SOS1: variants seen among roughly 807,000 people sequenced by gnomAD.
The protein encoded by SOS1 is SOS Ras/Rac guanine nucleotide exchange factor 1.
In SOS1, 25 loss-of-function variants were observed where a neutral mutation model predicts 157.6. That is an observed-to-expected ratio of 0.16 (90% CI 0.12 to 0.22). The LOEUF is 0.22. Ranked by LOEUF, SOS1 falls within the 10% of genes least tolerant of loss-of-function variation. The pLI, the probability that SOS1 is intolerant of heterozygous loss-of-function variation, is 1.00. For synonymous variants in SOS1, 528 were observed against 534.0 expected (o/e 0.99, Z 0.16); for missense variants, 1,237 against 1,599.1 (o/e 0.77, Z 3.86).
chr2:39,116,158 C>G (rs1025289776), intron 1 of SOS1, among the ~76,000 whole-genome samples: 4 of 140,160 alleles, frequency 2.9e-5, no homozygotes, highest in African/African-American at 1.1e-4. Flanking sequence ...AACCAATAGC[C>G]AGTTGGAGAA....
chr2:39,054,887 A>G, intron 4 of SOS1, 64 bp from the exon 5 acceptor site: 2 of 891,148 alleles, frequency 2.2e-6, no homozygotes, highest in Non-Finnish European at 3.7e-6. Context: ...TTTGATGTGA[A>G]ATGCTCTAAG....
chr2:39,058,016 T>C (rs1407960930), intron 3 of SOS1, among the ~76,000 whole-genome samples: 1 of 152,112 alleles, frequency 6.6e-6, no homozygotes, highest in Non-Finnish European at 1.5e-5. Flanking sequence ...TCAGACAATG[T>C]ATACAAGTAT....
At chr2:39,089,021 G>T (rs1425636005) in intron 1 of SOS1, among the ~76,000 whole-genome samples, 1 of 152,062 alleles carries the variant, frequency 6.6e-6, no homozygotes, top group Non-Finnish European at 1.5e-5. Flanking sequence ...ACCCTAATTG[G>T]TATGAAGTGG....
intron 1 of SOS1, among the ~76,000 whole-genome samples, chr2:39,089,530 CAAA>C (rs56688960): frequency 2.5e-5 from 3 of 118,130 alleles, no homozygotes; most frequent in Admixed American, 9.3e-5. Flanking sequence ...ACTCTGTCTC[CAAA>C]AAAAAAAAAA....
intron 6 of SOS1, among the ~76,000 whole-genome samples, chr2:39,040,263 C>T (rs1443232341): frequency 6.6e-6 from 1 of 152,014 alleles, no homozygotes; most frequent in African/African-American, 2.4e-5. Context: ...GTGATCCGCC[C>T]GCCTTGGCCT....
At chr2:39,052,981 C>T (rs549117734) in intron 5 of SOS1, among the ~76,000 whole-genome samples, 4 of 152,028 alleles carry the variant, frequency 2.6e-5, no homozygotes, top group African/African-American at 9.7e-5. Context: ...GGTGAAACCC[C>T]GCCTCTACTA....
At position 39,022,553 on chromosome 2, in the gene SOS1, A is replaced by G; in HGVS notation, c.1858+17T>C. On this transcript the variant is annotated intron_variant, in intron 10 of 22. Transcript: ENST00000402219. ...AAGCAGGAAAACAAAAGTGACAGGC[A>G]ACTGCATAATTCTTACCTGCGTACA... is the stretch of plus-strand genomic sequence containing the variant. 1.9e-6 allele frequency: 3 copies of G among 1,600,800 alleles called. No individual in the cohort carries two copies. The South Asian group carries it at 3.3e-5, about 18-fold the overall frequency.
rs572695292 is a variant in SOS1 at position 39,021,850 on chromosome 2, T to C, written c.1858+720A>G. 1.1e-3 allele frequency among the ~76,000 whole-genome samples: 162 copies of C among 151,812 alleles called. 1 individual carries two copies. Among genetic ancestry groups the C allele is most frequent in the Admixed American group, 4.9e-3 (74 of 15,234 alleles). On this transcript the variant is annotated intron_variant, in intron 10 of 22. Coordinates refer to ENST00000402219, the MANE Select transcript of SOS1 (RefSeq NM_005633.4). ...GTTGTAGTCTAGATCATAAAGAACA[T>C]AGAAAAGGTTGGTGAAGCACAACTA...
intron 15 of SOS1, among the ~76,000 whole-genome samples, chr2:39,009,648 A>G (rs1249029061): frequency 6.6e-6 from 1 of 152,240 alleles, no homozygotes; most frequent in African/African-American, 2.4e-5. Flanking sequence ...ATGGGCTAAG[A>G]GGATGATGAC....
In SOS1 at chr2:39,013,920, C is replaced by G. The variant is rs200712930; in HGVS notation, c.2010G>C (p.Leu670Phe). Residue 670 changes from leucine to phenylalanine, a missense_variant, in exon 12 of 23, where the codon TTG becomes TTC. By Grantham distance (22) the Leu-to-Phe change is conservative. Around this residue, in one of 15 missense-constraint regions of SOS1, gnomAD observed 55 missense variants for 43.1 expected, o/e 1.27. Coordinates refer to ENST00000402219, the MANE Select transcript of SOS1 (RefSeq NM_005633.4). Reference protein sequence around the residue: ...RIAIENGDQPLSAELKRFRKE... With the variant: ...RIAIENGDQPFSAELKRFRKE... Reference sequence around the variant, plus strand: ...TTCTAAATCTTTTCAGTTCTGCACTCAAGGGTTGATCTCCATTCTCTATAG... The same window carrying G: ...TTCTAAATCTTTTCAGTTCTGCACTGAAGGGTTGATCTCCATTCTCTATAG... The G allele has an allele frequency of 9.3e-6, 15 of 1,607,942 alleles. No homozygotes were observed. The East Asian group carries it at 2.2e-4, about 24-fold the overall frequency.
chr2:38,984,085 G>A lies in SOS1; in HGVS notation c.*1739C>T, dbSNP rs1057423528. 1 of 152,028 alleles carries A rather than the reference G, an allele frequency of 6.6e-6. No homozygotes were observed. The highest frequency in any genetic ancestry group is 1.5e-5 in the Non-Finnish European group (1 of 68,018). The allele number at this position is 152,028 out of a possible 1,614,324, so 9.4% of individuals were successfully genotyped here. A position where few individuals can be genotyped will look rare whatever the true frequency, so the allele number is the denominator to read the frequency against. ...ATTTTATGCTCTAATAAATATCATA[G>A]GAAATTATTAAAGTACTAGGTTCCC... On this transcript the variant is annotated 3_prime_UTR_variant, in exon 23 of 23. Coordinates refer to ENST00000402219, the MANE Select transcript of SOS1 (RefSeq NM_005633.4).
At position 38,986,008 on chromosome 2, in the gene SOS1, A is replaced by C. The variant is rs1438882639; in HGVS notation, c.3818T>G (p.Leu1273Arg). The C allele has an allele frequency of 9.3e-6, 15 of 1,613,990 alleles. No individual in the cohort carries two copies. The highest frequency in any genetic ancestry group is 1.3e-5 in the African/African-American group (1 of 75,042). ...TPSPHGTRRH[L>R]PSPPLTQEVD... ...TTCTTGTGTCAATGGTGGTGATGGC[A>C]GATGCCTTCTTGTGCCGTGAGGAGA... The change falls in exon 23 of 23, where the codon CTG (leucine) becomes CGG (arginine). Residue 1273 changes from leucine to arginine, a missense_variant. By Grantham distance (102) the Leu-to-Arg change is moderately radical (BLOSUM62 -2). Coordinates refer to ENST00000402219, the MANE Select transcript of SOS1 (RefSeq NM_005633.4).
intron 1 of SOS1, among the ~76,000 whole-genome samples, chr2:39,088,938 G>C (rs1241062344): frequency 6.6e-6 from 1 of 152,118 alleles, no homozygotes; most frequent in Non-Finnish European, 1.5e-5. Context: ...GCAATGCACA[G>C]TTTCCAATTT....
rs587781172 is a variant in SOS1, at chr2:39,013,941, T to G, written c.1989A>C (p.Ile663=). 2.9e-5 allele frequency: 46 copies of G among 1,605,122 alleles called. No individual in the cohort carries two copies. The highest frequency in any genetic ancestry group is 3.9e-5 in the Non-Finnish European group (46 of 1,172,412). ...CACTCAAGGGTTGATCTCCATTCTC[T>G]ATAGCTATGCGATCAGCTTCTGTTG... ...PEPTEADRIA[I]ENGDQPLSAE... is the part of the protein sequence containing the mutation. Residue 663 remains isoleucine (I), a synonymous_variant, in exon 12 of 23, where the codon ATA becomes ATC. Transcript: ENST00000402219.
chr2:39,118,604 A>T (rs1466783570), intron 1 of SOS1, among the ~76,000 whole-genome samples: 2 of 152,232 alleles, frequency 1.3e-5, no homozygotes, highest in Admixed American at 6.5e-5. Context: ...GGCTGTGGTA[A>T]GGTGGAGATA....
chr2:39,107,678 A>C (rs555795618), intron 1 of SOS1, among the ~76,000 whole-genome samples: 3 of 152,168 alleles, frequency 2.0e-5, no homozygotes, highest in African/African-American at 7.2e-5. Flanking sequence ...AAAAAAAAAA[A>C]AAACCTAGCC....
intron 15 of SOS1, among the ~76,000 whole-genome samples, chr2:39,009,352 G>C (rs901843985): frequency 6.6e-6 from 1 of 152,160 alleles, no homozygotes; most frequent in Non-Finnish European, 1.5e-5. Flanking sequence ...AGAATTTGTT[G>C]CTAGCCCACC....
At chr2:39,105,306 AAT>A (rs935977664) in intron 1 of SOS1, among the ~76,000 whole-genome samples, 3 of 150,786 alleles carry the variant, frequency 2.0e-5, no homozygotes, top group East Asian at 3.9e-4. Flanking sequence ...TTTTTTTTTA[AAT>A]AGAGATGGGG....
intron 1 of SOS1, among the ~76,000 whole-genome samples, chr2:39,094,568 C>G (rs1326898079): frequency 1.3e-5 from 2 of 152,024 alleles, no homozygotes; most frequent in African/African-American, 4.8e-5. Context: ...CTGCTTGAAC[C>G]CGGGAGGCTG....
Sources: gnomAD v4.1 joint callset for allele counts (sites outside exome capture counted in the v4.1 genomes callset) on GRCh38, gnomAD v4.1.1 for gene constraint, gnomAD v4.1.1 regional missense constraint, MANE v1.5 for transcripts, NCBI Gene and HGNC (gene_info 2026-07-23, HGNC 2026-07-21) for gene names.